DCT: variants seen among roughly 807,000 people sequenced by gnomAD.
DCT encodes L-dopachrome tautomerase.
A neutral mutation model predicts 53.0 loss-of-function variants in DCT; 47 were observed. The ratio of observed to expected loss-of-function variants is 0.89; its 90% CI spans 0.70 to 1.13. The LOEUF (loss-of-function observed/expected upper bound fraction) is 1.13, where lower values mean the gene tolerates loss of function less well. Among genes scored for constraint, DCT ranks in the 50% most tolerant of loss-of-function variants. The pLI is 0.00. For synonymous variants in DCT, 244 were observed against 237.0 expected, an observed-to-expected ratio of 1.03 and a Z score of -0.27; for missense variants, 669 against 637.4, an observed-to-expected ratio of 1.05 and a Z score of -0.53.
At chr13:94,448,879 G>A (rs1176460692) in intron 6 of DCT, among the ~76,000 whole-genome samples, 1 of 151,722 alleles carries the variant, frequency 6.6e-6, no homozygotes, top group Non-Finnish European at 1.5e-5. Flanking sequence ...ACTCCAGCCT[G>A]GACCACAGAG....
chr13:94,488,582 T>C, the DCT span, among the ~76,000 whole-genome samples: 1 of 151,912 alleles, frequency 6.6e-6, no homozygotes, highest in Non-Finnish European at 1.5e-5. Context: ...GGCGTGGTGG[T>C]GCATGCCTGT....
intron 7 of DCT, among the ~76,000 whole-genome samples, chr13:94,441,720 A>G (rs527875171): frequency 1.3e-5 from 2 of 152,276 alleles, no homozygotes; most frequent in South Asian, 2.1e-4. Context: ...GTATGTATGT[A>G]CCACATTTTG....
chr13:94,510,576 A>G, the DCT span, among the ~76,000 whole-genome samples: 2 of 152,258 alleles, frequency 1.3e-5, no homozygotes, highest in Non-Finnish European at 2.9e-5. Flanking sequence ...TATTATTCAA[A>G]TTAATTTTAC....
At chr13:94,540,920 G>T in the DCT span, among the ~76,000 whole-genome samples, 2 of 152,170 alleles carry the variant, frequency 1.3e-5, no homozygotes, top group African/African-American at 2.4e-5. Flanking sequence ...ACAGATGAAT[G>T]GATAAAGAAA....
intron 7 of DCT, among the ~76,000 whole-genome samples, chr13:94,440,675 G>GTTTTTTTTTTTTTTTTTTTTTTT (rs1882228183): frequency 1.2e-5 from 1 of 86,742 alleles, no homozygotes; most frequent in African/African-American, 5.0e-5. Context: ...TTCATTTTTT[G>GTTTTTTTTTTTTTTTTTTTTTTT]GTTTTTTTTT....
the DCT span, among the ~76,000 whole-genome samples, chr13:94,537,491 G>T: frequency 6.6e-6 from 1 of 152,188 alleles, no homozygotes; most frequent in Non-Finnish European, 1.5e-5. Flanking sequence ...GCCTAAACTT[G>T]TCTCTGTCTC....
At chr13:94,511,635 C>T in the DCT span, among the ~76,000 whole-genome samples, 1,097 of 152,246 alleles carry the variant, frequency 7.2e-3, 16 homozygotes, top group African/African-American at 0.023. Context: ...GCTAGGATTA[C>T]AGGCGTGAGC....
At position 94,465,883 on chromosome 13, in the gene DCT, T is replaced by C. The variant is rs191275224; in HGVS notation, c.697-84A>G. ...CATACAAGGCAAAGGCTGATATGTATCTGAACCAAATATCTACCAAGACAA... is the reference window on the plus strand; with the variant it reads ...CATACAAGGCAAAGGCTGATATGTACCTGAACCAAATATCTACCAAGACAA... On this transcript the variant is annotated intron_variant, in intron 3 of 7. Transcript: ENST00000377028. The C allele has an allele frequency of 5.1e-4, 544 of 1,059,462 alleles. 3 individuals are homozygous for C. The African/African-American group carries it at 7.5e-3, about 15-fold the overall frequency. The allele number at this position is 1,059,462 out of a possible 1,614,324, so 65.6% of individuals were successfully genotyped here.
the DCT span, among the ~76,000 whole-genome samples, chr13:94,523,428 CCT>C: frequency 6.6e-6 from 1 of 152,102 alleles, no homozygotes. Context: ...GTATCTAAGC[CCT>C]GAGTCTGAGG....
chr13:94,471,916 C>T (rs1884670724), intron 1 of DCT, among the ~76,000 whole-genome samples: 1 of 152,074 alleles, frequency 6.6e-6, no homozygotes, highest in South Asian at 2.1e-4. Flanking sequence ...TGGAAGATTG[C>T]AGAGTGTGGG....
the DCT span, among the ~76,000 whole-genome samples, chr13:94,529,037 CAAAG>C: frequency 2.0e-5 from 3 of 152,132 alleles, no homozygotes; most frequent in African/African-American, 7.2e-5. Flanking sequence ...TCAAAAGAGA[CAAAG>C]AAGGCCACTA....
chr13:94,457,125 G>A (rs552179516), intron 6 of DCT, among the ~76,000 whole-genome samples: 17 of 152,274 alleles, frequency 1.1e-4, no homozygotes, highest in South Asian at 8.3e-4. Context: ...GAGAGACTCC[G>A]TCTCAAAAAG....
At position 94,443,571 on chromosome 13, in the gene DCT, C is replaced by T. The variant is rs1373906882; in HGVS notation, c.1246G>A (p.Ala416Thr). ...ATAGGGGCCAGCTCCTGAGGCCAGG[C>T]ATCTGCAGGAGGATTAAATCTTTTC... is the stretch of plus-strand genomic sequence containing the variant. ...WMKRFNPPAD[A>T]WPQELAPIGH... The change falls in exon 7 of 8, where the codon GCC (alanine) becomes ACC (threonine). Residue 416 changes from alanine (A) to threonine (T), a missense_variant. Transcript: ENST00000377028. 1.2e-6 allele frequency: 2 copies of T among 1,613,968 alleles called. No individual in the cohort carries two copies. The highest frequency in any genetic ancestry group is 1.1e-5 in the South Asian group (1 of 91,076).
chr13:94,471,747 A>G (rs937217425), intron 1 of DCT, among the ~76,000 whole-genome samples: 8 of 152,228 alleles, frequency 5.3e-5, no homozygotes, highest in African/African-American at 1.9e-4. Context: ...AATTCAGTCA[A>G]ATTTCCAGCT....
the DCT span, among the ~76,000 whole-genome samples, chr13:94,509,684 C>T: frequency 6.6e-6 from 1 of 152,202 alleles, no homozygotes; most frequent in African/African-American, 2.4e-5. Context: ...TTACTTGACA[C>T]TGCTAAATCT....
upstream of DCT, among the ~76,000 whole-genome samples, chr13:94,481,920 C>G (rs1018151263): frequency 6.6e-6 from 1 of 152,218 alleles, no homozygotes; most frequent in Non-Finnish European, 1.5e-5. Flanking sequence ...CAATGCACTT[C>G]AAGTAAAATC....
In DCT at chr13:94,445,592, A is replaced by G. The variant is rs1882664703; in HGVS notation, c.1180-1955T>C. The stretch of plus-strand genomic sequence containing the variant: ...CTTCCAAAATTCCTGACCCACAGAA[A>G]TGGTAAGAAATGAAATGGTCACCTT... On this transcript the variant is annotated intron_variant, in intron 6 of 7. Coordinates refer to ENST00000377028, the MANE Select transcript of DCT (RefSeq NM_001922.5). 2.1e-5 allele frequency: 14 copies of G among 663,654 alleles called. No homozygotes were observed. The South Asian group carries it at 2.3e-4, about 11-fold the overall frequency. The allele number at this position is 663,654 out of a possible 1,614,324, so 41.1% of individuals were successfully genotyped here.
chr13:94,461,668 A>G (rs2139327593), intron 5 of DCT, among the ~76,000 whole-genome samples: 1 of 152,240 alleles, frequency 6.6e-6, no homozygotes, highest in East Asian at 1.9e-4. Context: ...ATTTTAAAAA[A>G]TAAGAAAGGA....
In DCT at chr13:94,475,049, C is replaced by A. The variant is rs60098062; in HGVS notation, c.295+3912G>T. Among the ~76,000 whole-genome samples, 849 of 152,244 alleles carry A rather than the reference C, an allele frequency of 5.6e-3. 7 individuals are homozygous for A. Among genetic ancestry groups the A allele is most frequent in the African/African-American group, 0.019 (804 of 41,546 alleles). On this transcript the variant is annotated intron_variant, in intron 1 of 7. Coordinates refer to ENST00000377028, the MANE Select transcript of DCT (RefSeq NM_001922.5). ...TCATCAGGCTACTGTAGAGGATGTTCTCTGGGAGGCTCAGGATCAGGTTTC... is the reference window on the plus strand; with the variant it reads ...TCATCAGGCTACTGTAGAGGATGTTATCTGGGAGGCTCAGGATCAGGTTTC...
Sources: gnomAD v4.1 joint callset for allele counts (sites outside exome capture counted in the v4.1 genomes callset) on GRCh38, gnomAD v4.1.1 for gene constraint, MANE v1.5 for transcripts, NCBI Gene and HGNC (gene_info 2026-07-23, HGNC 2026-07-21) for gene names.